Variants in RALGAPA2 observed in about 807,000 individuals in gnomAD.
The protein encoded by RALGAPA2 is Ral GTPase activating protein catalytic subunit alpha 2, also known as ral GTPase-activating protein subunit alpha-2.
RALGAPA2 carries 139 observed loss-of-function variants against 230.4 expected under a neutral mutation model. That is an observed-to-expected ratio of 0.60 (90% CI 0.53 to 0.69). RALGAPA2 has a LOEUF of 0.69. Among genes scored for constraint, RALGAPA2 ranks in the 30% least tolerant of loss-of-function variants. The pLI, the probability that RALGAPA2 is intolerant of heterozygous loss-of-function variation, is 0.00. For synonymous variants in RALGAPA2, 847 were observed against 837.8 expected, an observed-to-expected ratio of 1.01 and a Z score of -0.19; for missense variants, 2,163 against 2,276.0, an observed-to-expected ratio of 0.95 and a Z score of 1.01.
intron 37 of RALGAPA2, among the ~76,000 whole-genome samples, chr20:20,444,680 A>G (rs1311525135): frequency 6.6e-6 from 1 of 152,190 alleles, no homozygotes; most frequent in Non-Finnish European, 1.5e-5. Context: ...GAGCCAATTT[A>G]CATTCCCACC....
At chr20:20,559,457 A>G (rs2064188231) in intron 23 of RALGAPA2, among the ~76,000 whole-genome samples, 1 of 152,132 alleles carries the variant, frequency 6.6e-6, no homozygotes, top group African/African-American at 2.4e-5. Flanking sequence ...CAAAGCAGCA[A>G]TACCAACAAA....
Position 20,635,630 on chromosome 20 carries a change from A to C in RALGAPA2, c.806-13T>G. 1 of 1,503,778 alleles carries C rather than the reference A, an allele frequency of 6.6e-7. No homozygotes were observed. The highest frequency in any genetic ancestry group is 2.4e-5 in the East Asian group (1 of 41,178). 93.2% of individuals were successfully genotyped at this position (1,503,778 alleles called of 1,614,324 possible). Reference sequence around the variant, plus strand: ...AAATGGGGGATGTCTGGTAGAAGAAAGAACACATGATTGATTAGGTTAATA... The same window carrying C: ...AAATGGGGGATGTCTGGTAGAAGAACGAACACATGATTGATTAGGTTAATA... On this transcript the variant is annotated splice_polypyrimidine_tract_variant and intron_variant, in intron 8 of 39. Coordinates refer to ENST00000202677, the MANE Select transcript of RALGAPA2 (RefSeq NM_020343.4).
intron 27 of RALGAPA2, among the ~76,000 whole-genome samples, chr20:20,531,257 C>T (rs963102806): frequency 2.6e-5 from 4 of 152,320 alleles, no homozygotes; most frequent in African/African-American, 9.6e-5. Context: ...TTCTCATTAA[C>T]AAAACAAAGA....
Position 20,513,017 on chromosome 20 carries a change from G to A in RALGAPA2, c.4352C>T (p.Ser1451Leu). 2 of 1,613,692 alleles carry A rather than the reference G, an allele frequency of 1.2e-6. 1 individual carries two copies. Among genetic ancestry groups the A allele is most frequent in the Middle Eastern group, 3.3e-4 (2 of 6,062 alleles). Residue 1451 changes from serine (S) to leucine (L), a missense_variant, in exon 32 of 40, where the codon TCA (serine) becomes TTA (leucine). Ser to Leu is a moderately radical substitution (Grantham distance 145). Coordinates refer to ENST00000202677, the MANE Select transcript of RALGAPA2 (RefSeq NM_020343.4). ...CACATCAGAGAGAGAGCCCACTGGT[G>A]ATCCCCCTACCGGTCCTTCTGTGGG... ...QTPTEGPVGG[S>L]PVGSLSDVRV... is the part of the protein sequence containing the mutation.
intron 23 of RALGAPA2, 54 bp downstream of exon 23, chr20:20,571,404 G>C: frequency 1.3e-6 from 2 of 1,514,484 alleles, no homozygotes; most frequent in Non-Finnish European, 1.8e-6. Context: ...TCTTTAAAGA[G>C]TGATATGCTA....
In RALGAPA2 at chr20:20,495,136, G is replaced by A. The variant is rs1189272872; in HGVS notation, c.5348C>T (p.Ala1783Val). The change falls in exon 36 of 40, where the codon GCG becomes GTG. Residue 1783 changes from alanine to valine, a missense_variant. Ala to Val is a moderately conservative substitution (Grantham distance 64, BLOSUM62 0). Coordinates refer to ENST00000202677, the MANE Select transcript of RALGAPA2 (RefSeq NM_020343.4). ...YPMKNHMFFI[A>V]ITKKPEVPFF... ...ACGTACCTCAGGTTTCTTCGTTATC[G>A]CGATGAAGAACATGTGATTCTTCAT... is the stretch of plus-strand genomic sequence containing the variant. The A allele has an allele frequency of 6.2e-6, 10 of 1,605,424 alleles. No individual in the cohort carries two copies. The highest frequency in any genetic ancestry group is 1.7e-4 in the Middle Eastern group (1 of 6,000).
intron 4 of RALGAPA2, 117 bp downstream of exon 4, chr20:20,653,413 T>C (rs1355996218): frequency 9.2e-6 from 6 of 655,402 alleles, no homozygotes; most frequent in South Asian, 1.8e-5. Flanking sequence ...CATAATACCA[T>C]ACCCTTATTA....
chr20:20,582,554 T>C (rs1397783377), intron 20 of RALGAPA2, among the ~76,000 whole-genome samples: 1 of 151,842 alleles, frequency 6.6e-6, no homozygotes, highest in Non-Finnish European at 1.5e-5. Flanking sequence ...ATCAAGGAAA[T>C]TAGTATAAAA....
At chr20:20,577,703 TCAA>T (rs1235531925) in intron 20 of RALGAPA2, among the ~76,000 whole-genome samples, 1 of 152,090 alleles carries the variant, frequency 6.6e-6, no homozygotes, top group Non-Finnish European at 1.5e-5. Context: ...TGCTTATGAA[TCAA>T]CATGAGCCCC....
At chr20:20,550,353 A>T (rs1391816763) in intron 23 of RALGAPA2, among the ~76,000 whole-genome samples, 2 of 152,214 alleles carry the variant, frequency 1.3e-5, no homozygotes, top group Non-Finnish European at 2.9e-5. Context: ...CAATGACAGT[A>T]ATCAATGCTG....
chr20:20,530,910 T>C (rs2063351483), intron 27 of RALGAPA2, among the ~76,000 whole-genome samples: 1 of 152,114 alleles, frequency 6.6e-6, no homozygotes, highest in South Asian at 2.1e-4. Flanking sequence ...TCCCTAAGTG[T>C]GATAATGGCA....
intron 16 of RALGAPA2, among the ~76,000 whole-genome samples, chr20:20,601,359 A>G (rs1730448323): frequency 6.6e-6 from 1 of 152,232 alleles, no homozygotes; most frequent in Non-Finnish European, 1.5e-5. Context: ...AACACTGACA[A>G]TAGTGCAACT....
At chr20:20,442,464 A>G (rs1197401289) in intron 37 of RALGAPA2, among the ~76,000 whole-genome samples, 1 of 152,270 alleles carries the variant, frequency 6.6e-6, no homozygotes, top group African/African-American at 2.4e-5. Flanking sequence ...GCAGTGGAAT[A>G]GCACAAACAA....
chr20:20,586,286 G>T (rs1166397034), intron 18 of RALGAPA2, among the ~76,000 whole-genome samples: 1 of 152,194 alleles, frequency 6.6e-6, no homozygotes, highest in African/African-American at 2.4e-5. Context: ...TATTGCAAGG[G>T]TAAATCCAAT....
intron 3 of RALGAPA2, among the ~76,000 whole-genome samples, chr20:20,665,253 T>C (rs2067922508): frequency 6.6e-6 from 1 of 152,260 alleles, no homozygotes. Context: ...TTCTACCATC[T>C]GCCCTTAAAA....
Position 20,532,322 on chromosome 20 carries a change from T to C in RALGAPA2, c.3474-527A>G, listed in dbSNP as rs139644229. On this transcript the variant is annotated intron_variant, in intron 26 of 39. Transcript: ENST00000202677. ...AACAGTGTGCTAGGACCAGATATTC[T>C]TCACAGAAAGCCGACCATGCCATAT... Among the ~76,000 whole-genome samples the C allele has an allele frequency of 7.4e-4, 112 of 152,362 alleles. 1 individual carries two copies. The East Asian group carries it at 0.021, about 28-fold the overall frequency.
intron 9 of RALGAPA2, among the ~76,000 whole-genome samples, chr20:20,631,463 G>C (rs1475153748): frequency 6.6e-6 from 1 of 152,136 alleles, no homozygotes; most frequent in East Asian, 1.9e-4. Context: ...ATAATCCAAG[G>C]GTCCTTATAA....
chr20:20,544,338 CAA>C (rs78312536), intron 24 of RALGAPA2, among the ~76,000 whole-genome samples: 13 of 89,342 alleles, frequency 1.5e-4, no homozygotes, highest in Non-Finnish European at 1.2e-4. Context: ...GACTCTGTCT[CAA>C]AAAAAAAAAA....
rs571127285 is a variant in RALGAPA2 at position 20,543,051 on chromosome 20, AT to A, written c.3285+3652del. Among the ~76,000 whole-genome samples, 245 of 144,980 alleles carry A rather than the reference AT, an allele frequency of 1.7e-3. 1 individual carries two copies. Among genetic ancestry groups the A allele is most frequent in the Non-Finnish European group, 1.7e-3 (109 of 65,430 alleles). ...CCAGAATCTACAAGGAACTTAAACC[AT>A]TTTTTTTTTTTAGACGGAGTCATGC... On this transcript the variant is annotated intron_variant, in intron 24 of 39. Coordinates refer to ENST00000202677, the MANE Select transcript of RALGAPA2 (RefSeq NM_020343.4).
Sources: gnomAD v4.1 joint callset for allele counts (sites outside exome capture counted in the v4.1 genomes callset) on GRCh38, gnomAD v4.1.1 for gene constraint, MANE v1.5 for transcripts, NCBI Gene and HGNC (gene_info 2026-07-23, HGNC 2026-07-21) for gene names.